Variants in CLSTN2 observed in about 807,000 individuals in gnomAD.
CLSTN2 encodes the protein calsyntenin 2.
A neutral mutation model predicts 101.2 loss-of-function variants in CLSTN2; 48 were observed. The observed-to-expected ratio is 0.47, with a 90% CI of 0.38 to 0.60. CLSTN2 has a LOEUF of 0.60. CLSTN2 is among the 20% of genes least tolerant of loss of function. The probability of loss-of-function intolerance (pLI) is 0.00; values close to 1 mark genes in which losing one functional copy is unlikely to be tolerated. For missense variants in CLSTN2, 1,160 were observed against 1,238.2 expected, an observed-to-expected ratio of 0.94 and a Z score of 0.95; for synonymous variants, 481 against 463.6, an observed-to-expected ratio of 1.04 and a Z score of -0.48.
intron 1 of CLSTN2, among the ~76,000 whole-genome samples, chr3:140,062,528 G>A (rs535306004): frequency 2.0e-4 from 31 of 152,142 alleles, no homozygotes; most frequent in Non-Finnish European, 3.2e-4. Flanking sequence ...GCAGACTTCA[G>A]CAAAACAAAT....
Position 140,563,105 on chromosome 3 carries a change from T to G in CLSTN2, c.2384T>G (p.Val795Gly). The change falls in exon 15 of 17, where the codon GTC becomes GGC. Residue 795 changes from valine (V) to glycine (G), a missense_variant. By Grantham distance (109) the Val-to-Gly change is moderately radical (BLOSUM62 -3). Coordinates refer to ENST00000458420, the MANE Select transcript of CLSTN2 (RefSeq NM_022131.3). ...GTCAGCATCCTTCATGAAGACCAAG[T>G]CTCAGATAAGGAGCATGTCAATCAT... Reference protein sequence around the residue: ...LEVSILHEDQVSDKEHVNHLI... With the variant: ...LEVSILHEDQGSDKEHVNHLI... The G allele has an allele frequency of 1.2e-6, 2 of 1,614,066 alleles. No individual in the cohort carries two copies. Among genetic ancestry groups the G allele is most frequent in the Non-Finnish European group, 1.7e-6 (2 of 1,179,962 alleles).
At chr3:140,183,776 T>C (rs114150101) in intron 2 of CLSTN2, among the ~76,000 whole-genome samples, 144 of 152,310 alleles carry the variant, frequency 9.5e-4, no homozygotes, top group Non-Finnish European at 1.7e-3. Flanking sequence ...CCAGGCATTA[T>C]TTTGCACACA....
intron 2 of CLSTN2, among the ~76,000 whole-genome samples, chr3:140,337,728 T>C (rs9873058): frequency 0.57 from 86,412 of 151,936 alleles, 25,194 homozygotes; most frequent in Non-Finnish European, 0.64. Flanking sequence ...CAGATTAGGT[T>C]CTCAACTAAA....
chr3:140,319,628 T>C (rs2087263063), intron 2 of CLSTN2, among the ~76,000 whole-genome samples: 1 of 152,164 alleles, frequency 6.6e-6, no homozygotes, highest in Admixed American at 6.5e-5. Flanking sequence ...AAATGGATGC[T>C]GGGAAGGCAG....
At chr3:140,391,795 C>T (rs2088117264) in intron 2 of CLSTN2, among the ~76,000 whole-genome samples, 1 of 151,950 alleles carries the variant, frequency 6.6e-6, no homozygotes, top group Non-Finnish European at 1.5e-5. Flanking sequence ...ATCTGGATTT[C>T]TGAAAGTGAC....
intron 1 of CLSTN2, among the ~76,000 whole-genome samples, chr3:140,031,408 G>A (rs868494122): frequency 1.1e-4 from 17 of 152,218 alleles, no homozygotes; most frequent in South Asian, 2.1e-4. Context: ...AAGTGTCCCA[G>A]GGAGGCATCC....
intron 5 of CLSTN2, among the ~76,000 whole-genome samples, chr3:140,444,764 G>A (rs558069287): frequency 3.7e-4 from 57 of 152,322 alleles, no homozygotes; most frequent in Admixed American, 1.2e-3. Flanking sequence ...TGAGGCTCAC[G>A]GAGCATACAT....
At chr3:140,174,949 G>C (rs894717519) in intron 1 of CLSTN2, among the ~76,000 whole-genome samples, 2 of 152,152 alleles carry the variant, frequency 1.3e-5, no homozygotes, top group Non-Finnish European at 2.9e-5. Flanking sequence ...CCCTCTGAAG[G>C]CTCTAGGAAA....
chr3:140,532,289 C>T (rs1935273276), intron 8 of CLSTN2, 35 bp from the exon 9 acceptor site: 1 of 1,545,782 alleles, frequency 6.5e-7, no homozygotes, highest in South Asian at 1.2e-5. Flanking sequence ...ATTACATATT[C>T]AATTTTAAAT....
At position 140,417,664 on chromosome 3, in the gene CLSTN2, T is replaced by A. The variant is rs139146075; in HGVS notation, c.638-3461T>A. Among the ~76,000 whole-genome samples the A allele has an allele frequency of 5.3e-5, 8 of 152,358 alleles. No individual in the cohort carries two copies. The East Asian group carries it at 1.5e-3, about 29-fold the overall frequency. On this transcript the variant is annotated intron_variant, in intron 4 of 16. Transcript: ENST00000458420. ...GGGACTTATGTTCACCATGGTTAAC[T>A]GTGGGATTAGGTCTCCTGAGAAGAC...
chr3:140,363,428 C>G (rs2087750012), intron 2 of CLSTN2, among the ~76,000 whole-genome samples: 1 of 152,022 alleles, frequency 6.6e-6, no homozygotes, highest in African/African-American at 2.4e-5. Context: ...TTACAGAACT[C>G]CGTAAATTTA....
intron 1 of CLSTN2, among the ~76,000 whole-genome samples, chr3:139,953,812 A>G (rs2107811379): frequency 2.0e-5 from 3 of 152,002 alleles, no homozygotes; most frequent in South Asian, 4.2e-4. Context: ...CCCTACTGGT[A>G]TTTCCTGAGA....
chr3:140,429,255 G>C (rs145054050), intron 5 of CLSTN2, among the ~76,000 whole-genome samples: 3 of 152,094 alleles, frequency 2.0e-5, no homozygotes, highest in Non-Finnish European at 2.9e-5. Context: ...TGTGCTAAAG[G>C]CTGGGGATAC....
intron 2 of CLSTN2, among the ~76,000 whole-genome samples, chr3:140,232,674 A>G (rs2086380740): frequency 6.6e-6 from 1 of 152,122 alleles, no homozygotes; most frequent in Admixed American, 6.5e-5. Context: ...CTAAGACTGA[A>G]CTTATTACTT....
chr3:140,120,523 A>G (rs1025091690), intron 1 of CLSTN2, among the ~76,000 whole-genome samples: 2 of 152,150 alleles, frequency 1.3e-5, no homozygotes, highest in African/African-American at 4.8e-5. Flanking sequence ...GCCACTGGTG[A>G]TCAACTTTTC....
chr3:140,449,351 C>T (rs1049956065), intron 6 of CLSTN2: 1 of 152,180 alleles, frequency 6.6e-6, no homozygotes, highest in African/African-American at 2.4e-5. Flanking sequence ...AAAGCCAATA[C>T]ACAAAACCAA....
intron 2 of CLSTN2, among the ~76,000 whole-genome samples, chr3:140,378,894 G>A (rs1331083016): frequency 2.0e-5 from 3 of 152,204 alleles, no homozygotes; most frequent in African/African-American, 7.2e-5. Context: ...TATAGTAGAT[G>A]CTCAGTTATA....
rs1935110607 is a variant in CLSTN2, at chr3:140,525,130, G to A, written c.1345-7194G>A. On this transcript the variant is annotated intron_variant, in intron 8 of 16. Coordinates refer to ENST00000458420, the MANE Select transcript of CLSTN2 (RefSeq NM_022131.3). Reference sequence around the variant, plus strand: ...GAACTGAACAAAATTAGACCCAAAAGTCCATACAAAAGATCAATAAAACCA... The same window carrying A: ...GAACTGAACAAAATTAGACCCAAAAATCCATACAAAAGATCAATAAAACCA... 2.0e-5 allele frequency among the ~76,000 whole-genome samples: 3 copies of A among 152,044 alleles called. No homozygotes were observed. In the South Asian group the frequency reaches 6.2e-4, roughly 32 times the overall value.
intron 1 of CLSTN2, among the ~76,000 whole-genome samples, chr3:140,151,540 A>G (rs1353058600): frequency 1.3e-5 from 2 of 152,034 alleles, no homozygotes; most frequent in Non-Finnish European, 2.9e-5. Flanking sequence ...GAAGGGTGTA[A>G]TCAGGGAGGT....
Sources: allele counts gnomAD v4.1 joint callset (sites outside exome capture counted in the v4.1 genomes callset), GRCh38; gene constraint gnomAD v4.1.1; transcripts MANE v1.5; gene names NCBI Gene and HGNC (gene_info 2026-07-23, HGNC 2026-07-21).